The following TMEM64 variants were observed in gnomAD, a reference collection of about 807,000 sequenced individuals.
TMEM64 encodes the protein transmembrane protein 64.
A neutral mutation model predicts 24.5 loss-of-function variants in TMEM64; 19 were observed. The observed-to-expected ratio is 0.78, with a 90% CI of 0.54 to 1.14. The LOEUF (loss-of-function observed/expected upper bound fraction) is 1.14, where lower values mean the gene tolerates loss of function less well. TMEM64 is among the 50% of genes most tolerant of loss of function. TMEM64 has a pLI of 0.00. For synonymous variants in TMEM64, 262 were observed against 224.7 expected, an observed-to-expected ratio of 1.17 and a Z score of -1.49; for missense variants, 487 against 493.0, an observed-to-expected ratio of 0.99 and a Z score of 0.12.
In TMEM64 at chr8:90,622,078, T is replaced by C. The variant is rs1809291710; in HGVS notation, c.*3593A>G. On this transcript the variant is annotated 3_prime_UTR_variant, in exon 3 of 3. Coordinates refer to ENST00000458549, the MANE Select transcript of TMEM64 (RefSeq NM_001008495.4). Reference sequence around the variant, plus strand: ...TCAAGACATTTTACTGATTTCCCTTTAGAATGATCTATTTTAAATCTTCAG... The same window carrying C: ...TCAAGACATTTTACTGATTTCCCTTCAGAATGATCTATTTTAAATCTTCAG... 1 of 152,178 alleles carries C rather than the reference T, an allele frequency of 6.6e-6. No individual in the cohort carries two copies. Among genetic ancestry groups the C allele is most frequent in the African/African-American group, 2.4e-5 (1 of 41,438 alleles). 9.4% of individuals were successfully genotyped at this position (152,178 alleles called of 1,614,324 possible).
chr8:90,644,112 T>C (rs959228175), intron 1 of TMEM64, among the ~76,000 whole-genome samples: 7 of 145,410 alleles, frequency 4.8e-5, no homozygotes, highest in Non-Finnish European at 7.4e-5. Context: ...ATTATCTCTT[T>C]ATTTCAGTAA....
chr8:90,631,669 A>T lies in TMEM64; in HGVS notation c.834T>A (p.Ser278=). ...GCTGGGTAGGAAGCAGTCCAACCGA[A>T]GATGCCATCAGATAGTTGGGTAATG... is the stretch of plus-strand genomic sequence containing the variant. The part of the protein sequence containing the change: ...DLSLPNYLMA[S]SVGLLPTQLL... Residue 278 remains serine, a synonymous_variant, in exon 2 of 3, where the codon TCT becomes TCA. Transcript: ENST00000458549. 1 of 1,613,744 alleles carries T rather than the reference A, an allele frequency of 6.2e-7. No homozygotes were observed. The highest frequency in any genetic ancestry group is 2.2e-5 in the East Asian group (1 of 44,860).
chr8:90,636,333 G>A (rs1809517362), intron 1 of TMEM64, among the ~76,000 whole-genome samples: 1 of 152,158 alleles, frequency 6.6e-6, no homozygotes, highest in Non-Finnish European at 1.5e-5. Context: ...TCGGCTCACT[G>A]CAACCTCCGC....
rs1239959620 is a variant in TMEM64, at chr8:90,623,467, T to C, written c.*2204A>G. On this transcript the variant is annotated 3_prime_UTR_variant, in exon 3 of 3. Transcript: ENST00000458549. Reference sequence around the variant, plus strand: ...GGACTATAAGGGACTATTGTTTACTTGGATGCTGGAAATGCTGAAGAAAAG... The same window carrying C: ...GGACTATAAGGGACTATTGTTTACTCGGATGCTGGAAATGCTGAAGAAAAG... 6.6e-6 allele frequency: 1 copy of C among 152,512 alleles called. No individual in the cohort carries two copies. The highest frequency in any genetic ancestry group is 1.9e-4 in the East Asian group (1 of 5,208). 9.4% of individuals were successfully genotyped at this position (152,512 alleles called of 1,614,324 possible).
At chr8:90,635,215 A>C (rs1809498258) in intron 1 of TMEM64, among the ~76,000 whole-genome samples, 1 of 152,134 alleles carries the variant, frequency 6.6e-6, no homozygotes. Flanking sequence ...AATTAGTTGT[A>C]GAAGTGGAAA....
chr8:90,640,878 T>TAA (rs1809594674), intron 1 of TMEM64, among the ~76,000 whole-genome samples: 1 of 152,184 alleles, frequency 6.6e-6, no homozygotes, highest in African/African-American at 2.4e-5. Context: ...TGGGCTCATA[T>TAA]AAATAACCAA....
intron 1 of TMEM64, among the ~76,000 whole-genome samples, chr8:90,642,059 G>T (rs1054688244): frequency 4.6e-5 from 7 of 152,046 alleles, no homozygotes; most frequent in Admixed American, 6.6e-5. Context: ...GATAAGCAAG[G>T]GAAAGCACCT....
At chr8:90,644,976 G>T in intron 1 of TMEM64, 135 bp downstream of exon 1, 1 of 977,968 alleles carries the variant, frequency 1.0e-6, no homozygotes, top group Non-Finnish European at 1.5e-6. Context: ...AGGCTGCGAT[G>T]GAAAGTAATC....
At chr8:90,639,629 T>C (rs1365621515) in intron 1 of TMEM64, among the ~76,000 whole-genome samples, 1 of 152,224 alleles carries the variant, frequency 6.6e-6, no homozygotes. Context: ...AAAAGTCATG[T>C]TGTAATACAC....
chr8:90,631,595 A>G lies in TMEM64; in HGVS notation c.908T>C (p.Ile303Thr), dbSNP rs373497726. Reference sequence around the variant, plus strand: ...ATATCCACTAACACTCTGTTCTGCAATGACATCTTCCATTGTCCGCAGGGT... The same window carrying G: ...ATATCCACTAACACTCTGTTCTGCAGTGACATCTTCCATTGTCCGCAGGGT... ...GTTLRTMEDV[I>T]AEQSVSGYFV... Residue 303 changes from isoleucine (I) to threonine (T), a missense_variant, in exon 2 of 3, where the codon ATT becomes ACT. By Grantham distance (89) the Ile-to-Thr change is moderately conservative (BLOSUM62 -1). Around this residue, in one of 3 missense-constraint regions of TMEM64, gnomAD observed 419 missense variants for 407.5 expected, o/e 1.03. Coordinates refer to ENST00000458549, the MANE Select transcript of TMEM64 (RefSeq NM_001008495.4). The G allele has an allele frequency of 2.5e-6, 4 of 1,613,294 alleles. No individual in the cohort carries two copies. Among genetic ancestry groups the G allele is most frequent in the East Asian group, 4.5e-5 (2 of 44,862 alleles).
intron 1 of TMEM64, among the ~76,000 whole-genome samples, chr8:90,634,368 G>A (rs12543520): frequency 0.021 from 3,172 of 152,184 alleles, 120 homozygotes; most frequent in Admixed American, 0.086. Context: ...CTCAAATCTC[G>A]TACTGAAACC....
chr8:90,632,338 T>G lies in TMEM64; in HGVS notation c.796-631A>C, dbSNP rs141265462. ...TTTTGTTGTTGTTGTTGTTGTTGTT[T>G]TTGAGACAGAGTCTTGCTCTGTCGC... On this transcript the variant is annotated intron_variant, in intron 1 of 2. Coordinates refer to ENST00000458549, the MANE Select transcript of TMEM64 (RefSeq NM_001008495.4). Among the ~76,000 whole-genome samples, 112 of 151,966 alleles carry G rather than the reference T, an allele frequency of 7.4e-4. 1 individual carries two copies. Among genetic ancestry groups the G allele is most frequent in the Middle Eastern group, 6.8e-3 (2 of 294 alleles).
intron 1 of TMEM64, among the ~76,000 whole-genome samples, chr8:90,639,548 T>TCTAAGACC (rs1809571332): frequency 1.3e-5 from 2 of 152,250 alleles, no homozygotes; most frequent in South Asian, 2.1e-4. Context: ...TCTATATATA[T>TCTAAGACC]CTAAGACCCA....
chr8:90,643,694 G>A (rs1809642371), intron 1 of TMEM64, among the ~76,000 whole-genome samples: 1 of 152,150 alleles, frequency 6.6e-6, no homozygotes, highest in African/African-American at 2.4e-5. Context: ...AAAGTCCTGG[G>A]ACAGTTTATT....
At chr8:90,643,995 A>G (rs1049740819) in intron 1 of TMEM64, among the ~76,000 whole-genome samples, 2 of 152,258 alleles carry the variant, frequency 1.3e-5, no homozygotes, top group African/African-American at 4.8e-5. Context: ...TTCCTAATTC[A>G]AAACAAAATG....
At chr8:90,635,233 G>A (rs923490164) in intron 1 of TMEM64, among the ~76,000 whole-genome samples, 2 of 152,090 alleles carry the variant, frequency 1.3e-5, no homozygotes, top group Admixed American at 6.6e-5. Flanking sequence ...AAACCAAAGC[G>A]TAACTTTTTG....
chr8:90,644,174 T>C (rs923572611), intron 1 of TMEM64, among the ~76,000 whole-genome samples: 7 of 152,222 alleles, frequency 4.6e-5, no homozygotes, highest in Non-Finnish European at 7.3e-5. Context: ...CTACATAAAC[T>C]CTTGGTAGTT....
chr8:90,630,815 A>G (rs1809425496), intron 2 of TMEM64, among the ~76,000 whole-genome samples: 1 of 152,218 alleles, frequency 6.6e-6, no homozygotes, highest in East Asian at 1.9e-4. Context: ...AGTTCATGAA[A>G]AATTATGATT....
chr8:90,622,573 G>A lies in TMEM64; in HGVS notation c.*3098C>T, dbSNP rs1446523193. On this transcript the variant is annotated 3_prime_UTR_variant, in exon 3 of 3. Transcript: ENST00000458549. ...CAAGCATTCTAAAGATATCCCCAGA[G>A]CTAACAAATATTGACATATGTCACA... 1.3e-5 allele frequency: 2 copies of A among 152,234 alleles called. No homozygotes were observed. The allele number at this position is 152,234 out of a possible 1,614,324, so 9.4% of individuals were successfully genotyped here.
Sources: allele counts gnomAD v4.1 joint callset (sites outside exome capture counted in the v4.1 genomes callset), GRCh38; gene constraint gnomAD v4.1.1; regional missense constraint gnomAD v4.1.1; transcripts MANE v1.5; gene names NCBI Gene and HGNC (gene_info 2026-07-23, HGNC 2026-07-21).